Variants in NFIC observed in about 807,000 individuals in gnomAD.
NFIC encodes nuclear factor 1 C-type.
Under a neutral mutation model 54.4 loss-of-function variants are expected in NFIC, and 12 were observed. The observed-to-expected ratio is 0.22, with a 90% CI of 0.14 to 0.36. The LOEUF is 0.36. Ranked by LOEUF, NFIC falls within the 10% of genes least tolerant of loss-of-function variation. The probability of loss-of-function intolerance (pLI) is 1.00; values close to 1 mark genes in which losing one functional copy is unlikely to be tolerated. For synonymous variants in NFIC, 322 were observed against 319.2 expected (o/e 1.01, Z -0.09); for missense variants, 575 against 718.2 (o/e 0.80, Z 2.28).
chr19:3,427,701 C>T lies in NFIC; in HGVS notation c.634+2524C>T, dbSNP rs186804575. Among the ~76,000 whole-genome samples, 18 of 151,350 alleles carry T rather than the reference C, an allele frequency of 1.2e-4. No individual in the cohort carries two copies. In the Admixed American group the frequency reaches 1.2e-3, roughly 10 times the overall value. On this transcript the variant is annotated intron_variant, in intron 3 of 10. Coordinates refer to ENST00000443272, the MANE Select transcript of NFIC (RefSeq NM_001245002.2). Reference sequence around the variant, plus strand: ...AATTAGTCGGGCATGTTGGCACACACCTATAATCCCAGCTAGTCGGGAGGC... The same window carrying T: ...AATTAGTCGGGCATGTTGGCACACATCTATAATCCCAGCTAGTCGGGAGGC...
At chr19:3,451,114 A>G (rs1293675579) in intron 7 of NFIC, among the ~76,000 whole-genome samples, 1 of 152,206 alleles carries the variant, frequency 6.6e-6, no homozygotes, top group East Asian at 1.9e-4. Context: ...GCACCACAAT[A>G]GAATATGACT....
At chr19:3,439,158 C>G (rs1599692648) in intron 6 of NFIC, among the ~76,000 whole-genome samples, 2 of 145,662 alleles carry the variant, frequency 1.4e-5, no homozygotes, top group African/African-American at 2.7e-5. Context: ...ATGGCAAGAC[C>G]CCATCTCTAC....
chr19:3,452,766 TCTTGAGGA>T lies in NFIC; in HGVS notation c.1269+105_1269+112del. On this transcript the variant is annotated intron_variant, in intron 8 of 10. Coordinates refer to ENST00000443272, the MANE Select transcript of NFIC (RefSeq NM_001245002.2). This position sits in a 1 kb window ranked among gnomAD's most constrained non-coding sequence, Gnocchi z 5.3. ...AAGGCACAACCTCTGCTTAAAAGGG[TCTTGAGGA>T]CTTGGCTCTGAAGTCCCCTCCTCTG... The T allele has an allele frequency of 7.1e-7, 1 of 1,404,144 alleles. No homozygotes were observed. The highest frequency in any genetic ancestry group is 9.6e-7 in the Non-Finnish European group (1 of 1,047,106). 87.0% of individuals were successfully genotyped at this position (1,404,144 alleles called of 1,614,324 possible). A position where few individuals can be genotyped will look rare whatever the true frequency, so the allele number is the denominator to read the frequency against.
At chr19:3,436,066 G>C (rs1470645187) in intron 6 of NFIC, among the ~76,000 whole-genome samples, 1 of 151,696 alleles carries the variant, frequency 6.6e-6, no homozygotes, top group Non-Finnish European at 1.5e-5. Flanking sequence ...GACCTCAGGT[G>C]ATTCGCCCGC....
At chr19:3,373,442 C>T (rs1027398605) in intron 1 of NFIC, among the ~76,000 whole-genome samples, 10 of 151,924 alleles carry the variant, frequency 6.6e-5, no homozygotes, top group African/African-American at 2.4e-4. Context: ...TCTCTTTCCC[C>T]CTTGCTCATT....
chr19:3,430,810 T>C (rs2082107580), intron 3 of NFIC, among the ~76,000 whole-genome samples: 1 of 151,646 alleles, frequency 6.6e-6, no homozygotes, highest in South Asian at 2.1e-4. Flanking sequence ...CAGGTACTTG[T>C]AATCCCAGCT....
chr19:3,413,784 G>T (rs187117555), intron 2 of NFIC, among the ~76,000 whole-genome samples: 1 of 151,940 alleles, frequency 6.6e-6, no homozygotes. Flanking sequence ...TTACAGGCAC[G>T]CACCACCACG....
intron 6 of NFIC, among the ~76,000 whole-genome samples, chr19:3,445,321 C>T (rs1185621316): frequency 3.9e-5 from 6 of 152,212 alleles, no homozygotes; most frequent in South Asian, 2.1e-4. Flanking sequence ...TGGAAAAGCC[C>T]GGGCCTGGCT....
In NFIC at chr19:3,375,648, G is replaced by T. The variant is rs748274232; in HGVS notation, c.31-6064G>T. On this transcript the variant is annotated intron_variant, in intron 1 of 10. Transcript: ENST00000443272. This position sits in a 1 kb window ranked among gnomAD's most constrained non-coding sequence, Gnocchi z 4.6. ...CTCACGCTTTGGGGGACATTGGGGT[G>T]GGGGAGCTTCGCTGGTACAAGCTGA... is the stretch of plus-strand genomic sequence containing the variant. Among the ~76,000 whole-genome samples the T allele has an allele frequency of 1.6e-4, 25 of 152,236 alleles. No homozygotes were observed. The highest frequency in any genetic ancestry group is 3.5e-3 in the Middle Eastern group (1 of 288).
chr19:3,456,560 G>A lies in NFIC; in HGVS notation c.1434G>A (p.Pro478=), dbSNP rs745614362. The change falls in exon 10 of 11, where the codon CCG becomes CCA. Residue 478 remains proline, a synonymous_variant. Transcript: ENST00000443272. ...CTCTCCTCCCTGCAGCCTACTCTCCGCCCGACACGTCCCCTGCAAACCGTT... is the reference window on the plus strand; with the variant it reads ...CTCTCCTCCCTGCAGCCTACTCTCCACCCGACACGTCCCCTGCAAACCGTT... ...ATSPTSPSYS[P]PDTSPANRSF... 1.6e-5 allele frequency: 25 copies of A among 1,552,202 alleles called. No individual in the cohort carries two copies. The highest frequency in any genetic ancestry group is 1.7e-4 in the Middle Eastern group (1 of 6,010).
chr19:3,425,010 C>A, intron 2 of NFIC, 96 bp from the exon 3 acceptor site: 1 of 1,333,412 alleles, frequency 7.5e-7, no homozygotes, highest in South Asian at 1.3e-5. Flanking sequence ...ATAGCACTGG[C>A]CCAGCCCAGG....
intron 1 of NFIC, among the ~76,000 whole-genome samples, chr19:3,361,022 G>C (rs73919113): frequency 6.6e-6 from 1 of 152,180 alleles, no homozygotes; most frequent in South Asian, 2.1e-4. Flanking sequence ...CTGCCTGGGC[G>C]GCGGAGGAAG....
In NFIC at chr19:3,369,746, T is replaced by G. The variant is rs976775685; in HGVS notation, c.30+3080T>G. Among the ~76,000 whole-genome samples the G allele has an allele frequency of 6.6e-6, 1 of 150,974 alleles. No homozygotes were observed. Among genetic ancestry groups the G allele is most frequent in the Non-Finnish European group, 1.5e-5 (1 of 67,778 alleles). On this transcript the variant is annotated intron_variant, in intron 1 of 10. Transcript: ENST00000443272. The surrounding 1 kb of genome is among the most constrained non-coding windows in gnomAD (Gnocchi z 4.3). ...TCCCCGCGCCTGCTCTGGGCCTCCCTCCCTGCCTCCCTCCCGCTGGCGCCA... is the reference window on the plus strand; with the variant it reads ...TCCCCGCGCCTGCTCTGGGCCTCCCGCCCTGCCTCCCTCCCGCTGGCGCCA...
intron 2 of NFIC, among the ~76,000 whole-genome samples, chr19:3,418,007 T>C (rs866987907): frequency 5.9e-5 from 9 of 151,928 alleles, no homozygotes; most frequent in South Asian, 2.1e-4. Context: ...TATTCTGTGC[T>C]GTCCAACTTG....
At chr19:3,365,529 A>G (rs529993901), upstream of NFIC, among the ~76,000 whole-genome samples, 96 of 152,280 alleles carry the variant, frequency 6.3e-4, no homozygotes, top group Non-Finnish European at 7.9e-4. Context: ...GCTCAGACGG[A>G]GGCAGGCCAG....
upstream of NFIC, chr19:3,366,518 C>T (rs926297591): frequency 2.3e-5 from 11 of 478,964 alleles, no homozygotes; most frequent in African/African-American, 1.4e-4. Context: ...GCGAGGAGAG[C>T]GCGCCGGCCG....
intron 2 of NFIC, among the ~76,000 whole-genome samples, chr19:3,396,197 C>T (rs955956295): frequency 1.3e-5 from 2 of 152,114 alleles, no homozygotes; most frequent in African/African-American, 4.8e-5. Context: ...CCGGGCCGGG[C>T]GCGGCGGCTC....
intron 2 of NFIC, among the ~76,000 whole-genome samples, chr19:3,396,456 A>C (rs569139590): frequency 7.1e-6 from 1 of 141,056 alleles, no homozygotes; most frequent in African/African-American, 2.7e-5. Context: ...GGGGCAACAG[A>C]GTGAGACTCC....
Position 3,359,855 on chromosome 19 carries a change from T to TC in NFIC, c.3+178dup, listed in dbSNP as rs1026963228. 3.3e-3 allele frequency among the ~76,000 whole-genome samples: 485 copies of TC among 145,464 alleles called. 3 individuals are homozygous for TC. Among genetic ancestry groups the TC allele is most frequent in the African/African-American group, 0.01 (397 of 39,468 alleles). On this transcript the variant is annotated intron_variant, in intron 1 of 9. Transcript: ENST00000395111. ...GTCGCCACGGGACCCCTACCCACGA[T>TC]CCCCCCCCGCACCCCGGCTGGGGGC...
Sources: allele counts gnomAD v4.1 joint callset (sites outside exome capture counted in the v4.1 genomes callset), GRCh38; gene constraint gnomAD v4.1.1; non-coding constraint Gnocchi (gnomAD v3.1); transcripts MANE v1.5; gene names NCBI Gene and HGNC (gene_info 2026-07-23, HGNC 2026-07-21).